Variants in PTPRN2 observed in about 807,000 individuals in gnomAD.
PTPRN2 encodes the protein protein tyrosine phosphatase receptor type N2, also known as receptor-type tyrosine-protein phosphatase N2.
Under a neutral mutation model 118.8 loss-of-function variants are expected in PTPRN2, and 74 were observed. The observed-to-expected ratio is 0.62, with a 90% CI of 0.52 to 0.76. PTPRN2 has a LOEUF of 0.76. Among genes scored for constraint, PTPRN2 ranks in the 30% least tolerant of loss-of-function variants. The pLI, the probability that PTPRN2 is intolerant of heterozygous loss-of-function variation, is 0.00. For synonymous variants in PTPRN2, 641 were observed against 608.0 expected, an observed-to-expected ratio of 1.05 and a Z score of -0.80; for missense variants, 1,481 against 1,394.4, an observed-to-expected ratio of 1.06 and a Z score of -0.99.
chr7:158,515,096 C>T (rs1394754662), intron 1 of PTPRN2, among the ~76,000 whole-genome samples: 1 of 152,068 alleles, frequency 6.6e-6, no homozygotes, highest in African/African-American at 2.4e-5. Flanking sequence ...TGCACTATGG[C>T]GAGGAGAACT....
At chr7:157,714,849 C>T (rs184144953) in intron 12 of PTPRN2, among the ~76,000 whole-genome samples, 17 of 151,364 alleles carry the variant, frequency 1.1e-4, no homozygotes, top group African/African-American at 2.9e-4. Flanking sequence ...GAGCTTGAGG[C>T]GCTTCTCCTG....
chr7:158,578,808 G>T (rs1420357871), intron 1 of PTPRN2, among the ~76,000 whole-genome samples: 1 of 151,716 alleles, frequency 6.6e-6, no homozygotes, highest in Non-Finnish European at 1.5e-5. Flanking sequence ...TGTTGCCCAG[G>T]CTGCAGTGCA....
At chr7:157,695,444 T>A (rs1206388903) in intron 12 of PTPRN2, among the ~76,000 whole-genome samples, 1 of 152,058 alleles carries the variant, frequency 6.6e-6, no homozygotes, top group Admixed American at 6.5e-5. Flanking sequence ...AATCCATTTT[T>A]AAAAAGTATT....
intron 11 of PTPRN2, among the ~76,000 whole-genome samples, chr7:157,926,526 T>C (rs932988226): frequency 3.3e-5 from 5 of 152,212 alleles, no homozygotes; most frequent in Non-Finnish European, 5.9e-5. Flanking sequence ...CTGGAGATCA[T>C]CTAATTTATT....
intron 11 of PTPRN2, among the ~76,000 whole-genome samples, chr7:158,070,392 TGCTCGTGGTGGTGGAC>T (rs1811153526): frequency 8.0e-6 from 1 of 125,136 alleles, no homozygotes; most frequent in African/African-American, 3.1e-5. Flanking sequence ...GTGGTGGAGG[TGCTCGTGGTGGTGGAC>T]GTGCTCGTGG....
intron 11 of PTPRN2, among the ~76,000 whole-genome samples, chr7:157,973,460 G>C (rs1802492397): frequency 6.6e-6 from 1 of 152,180 alleles, no homozygotes; most frequent in South Asian, 2.1e-4. Context: ...TGATGGGAGG[G>C]AAATGAATTT....
intron 8 of PTPRN2, 133 bp from the exon 9 acceptor site, chr7:158,134,192 G>C: frequency 2.0e-6 from 2 of 1,014,598 alleles, no homozygotes; most frequent in Non-Finnish European, 2.8e-6. Flanking sequence ...GTGGGAGGAA[G>C]GCGAAGTGTG....
chr7:158,021,859 C>T (rs959375293), intron 11 of PTPRN2, among the ~76,000 whole-genome samples: 3 of 152,216 alleles, frequency 2.0e-5, no homozygotes, highest in Non-Finnish European at 4.4e-5. Context: ...ACTTTATTTA[C>T]TAAAACAGGT....
In PTPRN2 at chr7:158,369,277, A is replaced by G. The variant is rs1311033999; in HGVS notation, c.164-52345T>C. Among the ~76,000 whole-genome samples, 3 of 61,510 alleles carry G rather than the reference A, an allele frequency of 4.9e-5. No individual in the cohort carries two copies. In the East Asian group the frequency reaches 1.8e-3, roughly 38 times the overall value. The allele number at this position is 61,510 out of a possible 152,430, so 40.4% of individuals were successfully genotyped here. On this transcript the variant is annotated intron_variant, in intron 2 of 22. Coordinates refer to ENST00000389418, the MANE Select transcript of PTPRN2 (RefSeq NM_002847.5). Reference sequence around the variant, plus strand: ...TATATATATACACACATACACACACACACACACACACACATATATATACCT... The same window carrying G: ...TATATATATACACACATACACACACGCACACACACACACATATATATACCT...
intron 3 of PTPRN2, among the ~76,000 whole-genome samples, chr7:158,241,566 C>T (rs2150856863): frequency 1.3e-5 from 2 of 152,030 alleles, no homozygotes; most frequent in South Asian, 4.2e-4. Flanking sequence ...TAAAAAAATC[C>T]TTCACTTCCC....
At chr7:158,408,707 C>G (rs948936414) in intron 2 of PTPRN2, among the ~76,000 whole-genome samples, 11 of 152,138 alleles carry the variant, frequency 7.2e-5, no homozygotes, top group South Asian at 2.1e-4. Context: ...AAACGTGTGA[C>G]CACCCTTCGT....
At chr7:158,561,249 T>C (rs1827363796) in intron 1 of PTPRN2, among the ~76,000 whole-genome samples, 1 of 152,236 alleles carries the variant, frequency 6.6e-6, no homozygotes, top group East Asian at 1.9e-4. Context: ...TTCTCATTAC[T>C]ACTTCAAGGT....
intron 12 of PTPRN2, among the ~76,000 whole-genome samples, chr7:157,750,860 G>A (rs1387124044): frequency 6.6e-6 from 1 of 152,254 alleles, no homozygotes; most frequent in Non-Finnish European, 1.5e-5. Context: ...CAGAGACACC[G>A]TGGCATTGGA....
chr7:158,522,474 G>C lies in PTPRN2; in HGVS notation c.113-32689C>G, dbSNP rs79112540. Reference sequence around the variant, plus strand: ...CTGTTTAGGAGAAAGGTCCACGTCAGAATGGTGGACTGTTTTAAGAGGAAG... The same window carrying C: ...CTGTTTAGGAGAAAGGTCCACGTCACAATGGTGGACTGTTTTAAGAGGAAG... On this transcript the variant is annotated intron_variant, in intron 1 of 22. Transcript: ENST00000389418. 1.1e-3 allele frequency among the ~76,000 whole-genome samples: 161 copies of C among 150,038 alleles called. 18 individuals carry two copies. The highest frequency in any genetic ancestry group is 7.2e-3 in the East Asian group (35 of 4,886).
At chr7:158,296,748 G>C (rs753225440) in intron 3 of PTPRN2, among the ~76,000 whole-genome samples, 3 of 152,224 alleles carry the variant, frequency 2.0e-5, no homozygotes, top group African/African-American at 4.8e-5. Context: ...AGGGGAATAA[G>C]GGAACTTTTC....
At chr7:157,880,401 C>T (rs1796043239) in intron 12 of PTPRN2, among the ~76,000 whole-genome samples, 1 of 152,262 alleles carries the variant, frequency 6.6e-6, no homozygotes. Flanking sequence ...AATTGCAACA[C>T]AAGTTATATT....
rs1802350809 is a variant in PTPRN2 at position 157,764,860 on chromosome 7, G to A, written c.1789-81923C>T. Among the ~76,000 whole-genome samples the A allele has an allele frequency of 6.6e-6, 1 of 150,932 alleles. No homozygotes were observed. Among genetic ancestry groups the A allele is most frequent in the Non-Finnish European group, 1.5e-5 (1 of 67,666 alleles). ...TGCCATTCATCCATCCATCCATCAAGCACTCATCCATCCTTCCATCCTTCA... is the reference window on the plus strand; with the variant it reads ...TGCCATTCATCCATCCATCCATCAAACACTCATCCATCCTTCCATCCTTCA... On this transcript the variant is annotated intron_variant, in intron 12 of 22. Coordinates refer to ENST00000389418, the MANE Select transcript of PTPRN2 (RefSeq NM_002847.5). This position sits in a 1 kb window ranked among gnomAD's most constrained non-coding sequence, Gnocchi z 4.5.
chr7:158,151,514 T>TGCCCACAC (rs1563522262), intron 6 of PTPRN2, among the ~76,000 whole-genome samples: 3 of 146,076 alleles, frequency 2.1e-5, no homozygotes, highest in South Asian at 2.2e-4. Context: ...TTTCTGCTCC[T>TGCCCACAC]CACCGCACGT....
At position 157,990,804 on chromosome 7, in the gene PTPRN2, C is replaced by T. The variant is rs1244607790; in HGVS notation, c.1723+90494G>A. Among the ~76,000 whole-genome samples the T allele has an allele frequency of 6.6e-6, 1 of 152,004 alleles. No homozygotes were observed. The highest frequency in any genetic ancestry group is 2.4e-5 in the African/African-American group (1 of 41,342). On this transcript the variant is annotated intron_variant, in intron 11 of 22. Coordinates refer to ENST00000389418, the MANE Select transcript of PTPRN2 (RefSeq NM_002847.5). This position sits in a 1 kb window ranked among gnomAD's most constrained non-coding sequence, Gnocchi z 4.3. ...ATACAGTGGGAGGGAGGACTTGGCG[C>T]ACAGTGGGTGAGTGAATGGACAGGC...
Sources: gnomAD v4.1 joint callset for allele counts (sites outside exome capture counted in the v4.1 genomes callset) on GRCh38, gnomAD v4.1.1 for gene constraint, Gnocchi (gnomAD v3.1) non-coding constraint, MANE v1.5 for transcripts, NCBI Gene and HGNC (gene_info 2026-07-23, HGNC 2026-07-21) for gene names.